Variants in SHANK2 observed in about 807,000 individuals in gnomAD.
The protein encoded by SHANK2 is SH3 and multiple ankyrin repeat domains 2, also known as SH3 and multiple ankyrin repeat domains protein 2.
SHANK2 carries 43 observed loss-of-function variants against 133.7 expected under a neutral mutation model. That is an observed-to-expected ratio of 0.32 (90% confidence interval 0.25 to 0.41). The LOEUF (loss-of-function observed/expected upper bound fraction) is 0.41, where lower values mean the gene tolerates loss of function less well. Ranked by LOEUF, SHANK2 falls within the 10% of genes least tolerant of loss-of-function variation. SHANK2 has a pLI of 1.00. For synonymous variants in SHANK2, 1,017 were observed against 952.8 expected (o/e 1.07, Z -1.24); for missense variants, 1,994 against 2,235.8 (o/e 0.89, Z 2.18).
intron 17 of SHANK2, among the ~76,000 whole-genome samples, chr11:70,568,703 T>C (rs1408568634): frequency 7.7e-6 from 1 of 129,630 alleles, no homozygotes; most frequent in Non-Finnish European, 1.6e-5. Context: ...AAGCCACGAG[T>C]AGCAGGCAGG....
At chr11:71,204,846 G>A (rs1954096886) in intron 2 of SHANK2, among the ~76,000 whole-genome samples, 1 of 152,142 alleles carries the variant, frequency 6.6e-6, no homozygotes, top group Non-Finnish European at 1.5e-5. Context: ...CCTTCCCAAT[G>A]GCCCATCCAC....
At chr11:70,643,674 T>C (rs1409027760) in intron 17 of SHANK2, among the ~76,000 whole-genome samples, 1 of 152,084 alleles carries the variant, frequency 6.6e-6, no homozygotes, top group Admixed American at 6.6e-5. Context: ...TCGTGGTTGG[T>C]ATGCAAATAT....
intron 17 of SHANK2, among the ~76,000 whole-genome samples, chr11:70,630,550 T>C (rs1484898233): frequency 6.6e-6 from 1 of 152,138 alleles, no homozygotes; most frequent in Non-Finnish European, 1.5e-5. Context: ...GGAGATGCAA[T>C]CACTTGGGAT....
intron 21 of SHANK2, among the ~76,000 whole-genome samples, chr11:70,496,492 T>G (rs2058972570): frequency 6.6e-6 from 1 of 152,148 alleles, no homozygotes; most frequent in Admixed American, 6.5e-5. Context: ...TAAATACACC[T>G]CATGTAACTG....
At chr11:70,932,641 G>A (rs1950518618) in intron 10 of SHANK2, among the ~76,000 whole-genome samples, 1 of 152,216 alleles carries the variant, frequency 6.6e-6, no homozygotes, top group Non-Finnish European at 1.5e-5. Flanking sequence ...CAAAGCAAAT[G>A]CCAGGGTACC....
intron 2 of SHANK2, among the ~76,000 whole-genome samples, chr11:71,176,084 T>A (rs1555113074): frequency 1.3e-5 from 2 of 152,226 alleles, no homozygotes; most frequent in Non-Finnish European, 2.9e-5. Flanking sequence ...GAACAGTGTC[T>A]GTTCCCATCT....
intron 10 of SHANK2, among the ~76,000 whole-genome samples, chr11:70,897,938 A>T (rs1404640594): frequency 4.0e-5 from 6 of 149,088 alleles, no homozygotes; most frequent in African/African-American, 1.5e-4. Context: ...CATAATATAC[A>T]TATACACACA....
chr11:70,830,418 G>A lies in SHANK2; in HGVS notation c.1175-9736C>T, dbSNP rs1948709312. 6.6e-6 allele frequency among the ~76,000 whole-genome samples: 1 copy of A among 152,174 alleles called. No homozygotes were observed. The highest frequency in any genetic ancestry group is 6.5e-5 in the Admixed American group (1 of 15,276). ...AGACGAGCTCACCCCTGAGCCCCAG[G>A]TAGATGGTTCGCATTCTCCTGCCAT... is the stretch of plus-strand genomic sequence containing the variant. On this transcript the variant is annotated intron_variant, in intron 11 of 25. Transcript: ENST00000601538. The surrounding 1 kb of genome is among the most constrained non-coding windows in gnomAD (Gnocchi z 4.4).
intron 9 of SHANK2, among the ~76,000 whole-genome samples, chr11:71,071,677 A>G (rs1311881433): frequency 1.3e-5 from 2 of 152,214 alleles, no homozygotes; most frequent in Non-Finnish European, 2.9e-5. Context: ...CAGGGCAAAG[A>G]ATCCAGGAAG....
At chr11:70,955,475 TTACAAA>T (rs1950907753) in intron 10 of SHANK2, among the ~76,000 whole-genome samples, 1 of 147,544 alleles carries the variant, frequency 6.8e-6, no homozygotes, top group Admixed American at 6.8e-5. Context: ...GTACACACAC[TTACAAA>T]TACATATATA....
chr11:71,141,327 T>C (rs1330653621), intron 3 of SHANK2, among the ~76,000 whole-genome samples: 1 of 144,484 alleles, frequency 6.9e-6, no homozygotes, highest in Admixed American at 6.8e-5. Context: ...ACCCCCTCTC[T>C]ACTAAAAATA....
At chr11:70,779,615 G>A (rs529219368) in intron 14 of SHANK2, among the ~76,000 whole-genome samples, 2 of 152,138 alleles carry the variant, frequency 1.3e-5, no homozygotes, top group South Asian at 4.1e-4. Flanking sequence ...AACCAGAGCC[G>A]CCCAGAGATG....
chr11:70,811,065 G>A (rs1192635485), intron 12 of SHANK2, among the ~76,000 whole-genome samples: 4 of 152,144 alleles, frequency 2.6e-5, no homozygotes, highest in African/African-American at 9.7e-5. Context: ...GGTCAGGTCA[G>A]CCCAGCCCCA....
chr11:70,548,856 T>C (rs2059728832), intron 17 of SHANK2, among the ~76,000 whole-genome samples: 1 of 151,992 alleles, frequency 6.6e-6, no homozygotes, highest in South Asian at 2.1e-4. Context: ...ACACGCATGG[T>C]GGGAAGGAGG....
intron 17 of SHANK2, among the ~76,000 whole-genome samples, chr11:70,631,404 A>C (rs113128355): frequency 1.3e-5 from 2 of 149,280 alleles, no homozygotes; most frequent in African/African-American, 4.9e-5. Context: ...ACACACACAC[A>C]CACACCCACA....
chr11:70,923,080 A>G (rs535193271), intron 10 of SHANK2, among the ~76,000 whole-genome samples: 5 of 152,200 alleles, frequency 3.3e-5, no homozygotes, highest in Non-Finnish European at 5.9e-5. Flanking sequence ...TCCAACTGAC[A>G]CTTTTTATGA....
intron 14 of SHANK2, among the ~76,000 whole-genome samples, chr11:70,756,126 G>A (rs1946868880): frequency 6.6e-6 from 1 of 152,116 alleles, no homozygotes; most frequent in African/African-American, 2.4e-5. Flanking sequence ...GTGCGAGCAG[G>A]TGCAGGAGAC....
chr11:70,503,783 A>G (rs1034608102), intron 17 of SHANK2, among the ~76,000 whole-genome samples: 2 of 152,194 alleles, frequency 1.3e-5, no homozygotes, highest in Non-Finnish European at 2.9e-5. Flanking sequence ...TCAGCAGCAG[A>G]TGGCCTTGGC....
At chr11:70,629,283 C>T (rs1441936343) in intron 17 of SHANK2, among the ~76,000 whole-genome samples, 4 of 152,172 alleles carry the variant, frequency 2.6e-5, no homozygotes, top group Non-Finnish European at 4.4e-5. Context: ...AGGCTGCTGC[C>T]GAAAAGGCTG....
Sources: gnomAD v4.1 joint callset for allele counts (sites outside exome capture counted in the v4.1 genomes callset) on GRCh38, gnomAD v4.1.1 for gene constraint, Gnocchi (gnomAD v3.1) non-coding constraint, MANE v1.5 for transcripts, NCBI Gene and HGNC (gene_info 2026-07-23, HGNC 2026-07-21) for gene names.